The following CSMD2 variants were observed in gnomAD, a reference collection of about 807,000 sequenced individuals.
CSMD2 encodes CUB and Sushi multiple domains 2.
CSMD2 carries 130 observed loss-of-function variants against 398.5 expected under a neutral mutation model. The observed-to-expected ratio is 0.33, with a 90% CI of 0.28 to 0.38. The LOEUF (loss-of-function observed/expected upper bound fraction) is 0.38, where lower values mean the gene tolerates loss of function less well. CSMD2 is among the 10% of genes least tolerant of loss of function. The pLI, the probability that CSMD2 is intolerant of heterozygous loss-of-function variation, is 1.00. For synonymous variants in CSMD2, 1,828 were observed against 1,908.5 expected (o/e 0.96, Z 1.10); for missense variants, 3,829 against 4,764.9 (o/e 0.80, Z 5.78).
intron 13 of CSMD2, among the ~76,000 whole-genome samples, chr1:33,753,275 A>C (rs562241023): frequency 6.6e-6 from 1 of 152,292 alleles, no homozygotes; most frequent in South Asian, 2.1e-4. Context: ...CCAGGAGGAA[A>C]GAATGATTTC....
At chr1:33,610,243 T>A (rs973064017) in intron 41 of CSMD2, among the ~76,000 whole-genome samples, 2 of 150,110 alleles carry the variant, frequency 1.3e-5, no homozygotes, top group Admixed American at 1.3e-4. Flanking sequence ...TTTTTTTTTT[T>A]ACAAACATGA....
intron 26 of CSMD2, among the ~76,000 whole-genome samples, chr1:33,659,837 G>A (rs1450858977): frequency 6.6e-6 from 1 of 152,180 alleles, no homozygotes; most frequent in Non-Finnish European, 1.5e-5. Context: ...TATGGCCCAC[G>A]GCCATATCTG....
intron 6 of CSMD2, chr1:33,839,818 A>G (rs1031993912): frequency 1.3e-5 from 2 of 152,888 alleles, no homozygotes; most frequent in Non-Finnish European, 2.9e-5. Context: ...GTAAAAAGTT[A>G]GTATAGAAAT....
rs1321528784 is a variant in CSMD2, at chr1:33,919,170, T to C, written c.713-869A>G. Among the ~76,000 whole-genome samples the C allele has an allele frequency of 2.6e-5, 4 of 152,044 alleles. No homozygotes were observed. The East Asian group carries it at 7.7e-4, about 29-fold the overall frequency. On this transcript the variant is annotated intron_variant, in intron 4 of 70. Coordinates refer to ENST00000373381, the MANE Select transcript of CSMD2 (RefSeq NM_001281956.2). Reference sequence around the variant, plus strand: ...GGTGGGAGAGGACTTATTTGAGAGATATTTAGGAAGCAGAATCTCCAGAAT... The same window carrying C: ...GGTGGGAGAGGACTTATTTGAGAGACATTTAGGAAGCAGAATCTCCAGAAT...
intron 22 of CSMD2, among the ~76,000 whole-genome samples, chr1:33,704,425 C>T (rs780847698): frequency 9.2e-5 from 14 of 151,954 alleles, no homozygotes; most frequent in Non-Finnish European, 1.8e-4. Context: ...GGAAGTTTTG[C>T]CATTAAGTAT....
chr1:34,048,970 T>C (rs1570934897), intron 2 of CSMD2, among the ~76,000 whole-genome samples: 1 of 152,086 alleles, frequency 6.6e-6, no homozygotes, highest in East Asian at 1.9e-4. Context: ...AAACAGGAGC[T>C]TCCAGAACCA....
At chr1:33,550,103 AC>A in intron 56 of CSMD2, 73 bp downstream of exon 56, 1 of 1,485,400 alleles carries the variant, frequency 6.7e-7, no homozygotes, top group Non-Finnish European at 9.3e-7. Flanking sequence ...TCACACTCAC[AC>A]CTTGGGGGCT....
chr1:33,567,603 A>T lies in CSMD2; in HGVS notation c.8370T>A (p.Pro2790=), dbSNP rs1659172274. The change falls in exon 53 of 71, where the codon CCT becomes CCA. Residue 2790 remains proline (P), a synonymous_variant. Transcript: ENST00000373381. ...QQDHHWSGKT[P]FCVPITCGHP... is the part of the protein sequence containing the mutation. ...GGATGACATACTTACGCACACAGAA[A>T]GGGGTCTTGCCCGACCAGTGATGAT... 3 of 1,613,994 alleles carry T rather than the reference A, an allele frequency of 1.9e-6. No homozygotes were observed. Among genetic ancestry groups the T allele is most frequent in the South Asian group, 1.1e-5 (1 of 91,080 alleles).
chr1:33,981,897 T>C (rs1268030153), intron 3 of CSMD2, among the ~76,000 whole-genome samples: 2 of 152,126 alleles, frequency 1.3e-5, no homozygotes, highest in African/African-American at 4.8e-5. Context: ...CCTGTGCAGA[T>C]GCTTCAGAGG....
intron 1 of CSMD2, among the ~76,000 whole-genome samples, chr1:34,093,965 C>T (rs1323429044): frequency 6.6e-6 from 1 of 151,442 alleles, no homozygotes; most frequent in African/African-American, 2.4e-5. Flanking sequence ...GTCAGATTCA[C>T]CAAAGTTGAA....
intron 32 of CSMD2, among the ~76,000 whole-genome samples, 180 bp from the exon 33 acceptor site, chr1:33,626,761 T>C (rs1243778404): frequency 6.6e-6 from 1 of 152,220 alleles, no homozygotes; most frequent in Non-Finnish European, 1.5e-5. Context: ...TTAAAGTTTA[T>C]AGAAAGCTTT....
chr1:34,033,546 T>G (rs903021870), intron 2 of CSMD2, among the ~76,000 whole-genome samples: 27 of 152,224 alleles, frequency 1.8e-4, no homozygotes, highest in African/African-American at 5.8e-4. Flanking sequence ...TGGGCATCCA[T>G]GCCTGGTGAC....
At chr1:34,042,012 C>T (rs902750028) in intron 2 of CSMD2, among the ~76,000 whole-genome samples, 1 of 152,178 alleles carries the variant, frequency 6.6e-6, no homozygotes, top group African/African-American at 2.4e-5. Flanking sequence ...AATCTTGGGC[C>T]AAGCTCAGAG....
chr1:33,572,396 T>G, intron 50 of CSMD2, 110 bp downstream of exon 50: 3 of 984,806 alleles, frequency 3.0e-6, no homozygotes, highest in Non-Finnish European at 1.4e-6. Context: ...TCCATGTTTT[T>G]TTTTTTTTTT....
intron 1 of CSMD2, among the ~76,000 whole-genome samples, chr1:34,094,147 C>G (rs938955851): frequency 2.0e-5 from 3 of 151,948 alleles, no homozygotes; most frequent in African/African-American, 7.2e-5. Context: ...AATTTCATAT[C>G]CAGCCAAACT....
chr1:34,155,381 C>T (rs1395079287), intron 1 of CSMD2, among the ~76,000 whole-genome samples: 1 of 152,120 alleles, frequency 6.6e-6, no homozygotes, highest in Non-Finnish European at 1.5e-5. Flanking sequence ...TTTCCTCTTG[C>T]TATAGTTAAA....
chr1:33,710,697 C>T (rs914311070), intron 21 of CSMD2, among the ~76,000 whole-genome samples: 4 of 152,082 alleles, frequency 2.6e-5, no homozygotes, highest in Non-Finnish European at 4.4e-5. Context: ...TATAGTTAAC[C>T]CTAATTACCC....
chr1:33,740,942 C>A (rs539416045), intron 14 of CSMD2, among the ~76,000 whole-genome samples: 1 of 152,198 alleles, frequency 6.6e-6, no homozygotes, highest in Non-Finnish European at 1.5e-5. Flanking sequence ...TCCCTGTGTA[C>A]CTTTCCAAAC....
At chr1:33,846,801 C>T in intron 6 of CSMD2, 83 bp downstream of exon 6, 1 of 789,756 alleles carries the variant, frequency 1.3e-6, no homozygotes, top group East Asian at 3.0e-5. Context: ...CCACACCGGA[C>T]CCAGTAGGGA....
Sources: gnomAD v4.1 joint callset for allele counts (sites outside exome capture counted in the v4.1 genomes callset) on GRCh38, gnomAD v4.1.1 for gene constraint, MANE v1.5 for transcripts, NCBI Gene and HGNC (gene_info 2026-07-23, HGNC 2026-07-21) for gene names.